CFAP77: variants seen among roughly 807,000 people sequenced by gnomAD.
CFAP77 encodes cilia and flagella associated protein 77.
CFAP77 carries 25 observed loss-of-function variants against 31.1 expected under a neutral mutation model. The ratio of observed to expected loss-of-function variants is 0.80; its 90% CI spans 0.59 to 1.12. The LOEUF is 1.12. Among genes scored for constraint, CFAP77 ranks in the 50% most tolerant of loss-of-function variants. The pLI, the probability that CFAP77 is intolerant of heterozygous loss-of-function variation, is 0.00. For missense variants in CFAP77, 377 were observed against 397.3 expected (o/e 0.95, Z 0.44); for synonymous variants, 151 against 159.9 (o/e 0.94, Z 0.42).
At position 132,554,151 on chromosome 9, in the gene CFAP77, A is replaced by C. The variant is rs1852860928; in HGVS notation, c.732+11104A>C. 6.6e-6 allele frequency among the ~76,000 whole-genome samples: 1 copy of C among 152,126 alleles called. No individual in the cohort carries two copies. Among genetic ancestry groups the C allele is most frequent in the Non-Finnish European group, 1.5e-5 (1 of 68,016 alleles). The stretch of plus-strand genomic sequence containing the variant: ...TTGGAACTGAGCTCTGTGGAACTCA[A>C]AGCCCTATGTCCCTAATCATCGAGT... On this transcript the variant is annotated intron_variant, in intron 5 of 5. Transcript: ENST00000393216. This position sits in a 1 kb window ranked among gnomAD's most constrained non-coding sequence, Gnocchi z 4.1.
chr9:132,459,782 G>GA (rs554073564), intron 1 of CFAP77, among the ~76,000 whole-genome samples: 309 of 151,050 alleles, frequency 2.0e-3, no homozygotes, highest in African/African-American at 6.7e-3. Flanking sequence ...GTGTGAGAGC[G>GA]TGTGTGTATG....
intron 3 of CFAP77, among the ~76,000 whole-genome samples, chr9:132,536,322 C>A (rs1852542374): frequency 6.6e-6 from 1 of 151,768 alleles, no homozygotes; most frequent in South Asian, 2.1e-4. Flanking sequence ...CAGGTGGCTT[C>A]CTGGGCTGGT....
chr9:132,548,680 G>A (rs932513147), intron 5 of CFAP77, among the ~76,000 whole-genome samples: 5 of 149,592 alleles, frequency 3.3e-5, no homozygotes, highest in East Asian at 2.1e-4. Context: ...GTTGGCTGGC[G>A]GGGGGGTCTC....
Position 132,455,175 on chromosome 9 carries a change from A to T in CFAP77, c.196-43520A>T, listed in dbSNP as rs1011142950. 2.0e-5 allele frequency among the ~76,000 whole-genome samples: 3 copies of T among 152,134 alleles called. No individual in the cohort carries two copies. Among genetic ancestry groups the T allele is most frequent in the Non-Finnish European group, 4.4e-5 (3 of 68,020 alleles). On this transcript the variant is annotated intron_variant, in intron 1 of 5. Transcript: ENST00000393216. This position sits in a 1 kb window ranked among gnomAD's most constrained non-coding sequence, Gnocchi z 4.1. ...CTTGTTGATGGCAATACCATCTGTC[A>T]TTGCAGCAGAGCCCAGTAGTGTGGG...
intron 1 of CFAP77, among the ~76,000 whole-genome samples, chr9:132,443,627 G>A (rs776288006): frequency 6.6e-6 from 1 of 152,158 alleles, no homozygotes; most frequent in Non-Finnish European, 1.5e-5. Flanking sequence ...ACGGCCCTTC[G>A]TGAAGCAACA....
In CFAP77 at chr9:132,539,500, G is replaced by T. The variant is rs1852603329; in HGVS notation, c.630+1794G>T. Among the ~76,000 whole-genome samples the T allele has an allele frequency of 6.6e-6, 1 of 152,188 alleles. No homozygotes were observed. The highest frequency in any genetic ancestry group is 1.5e-5 in the Non-Finnish European group (1 of 68,032). ...AGACCTAGGTGTGTCCAGCCTGAGA[G>T]TCCAGGCTCTTCCTGAAGAAGAGGT... On this transcript the variant is annotated intron_variant, in intron 4 of 5. Coordinates refer to ENST00000393216, the MANE Select transcript of CFAP77 (RefSeq NM_001282957.2). The surrounding 1 kb of genome is among the most constrained non-coding windows in gnomAD (Gnocchi z 4.3).
chr9:132,533,524 G>A (rs1852494542), intron 3 of CFAP77, among the ~76,000 whole-genome samples: 2 of 151,128 alleles, frequency 1.3e-5, no homozygotes, highest in Middle Eastern at 3.4e-3. Context: ...TCTTGGTTTG[G>A]GGTTACAGGG....
At position 132,545,659 on chromosome 9, in the gene CFAP77, T is replaced by A. The variant is rs1472627810; in HGVS notation, c.732+2612T>A. Among the ~76,000 whole-genome samples, 3 of 152,160 alleles carry A rather than the reference T, an allele frequency of 2.0e-5. No individual in the cohort carries two copies. Among genetic ancestry groups the A allele is most frequent in the Non-Finnish European group, 4.4e-5 (3 of 68,018 alleles). ...CCCTTAGACACACAGAGTGCTGCCG[T>A]TATGGGTGTCACACGCAGTCGCCTC... On this transcript the variant is annotated intron_variant, in intron 5 of 5. Transcript: ENST00000393216. This position sits in a 1 kb window ranked among gnomAD's most constrained non-coding sequence, Gnocchi z 4.6.
chr9:132,423,312 G>A (rs1022053426), intron 1 of CFAP77, among the ~76,000 whole-genome samples: 5 of 152,360 alleles, frequency 3.3e-5, no homozygotes, highest in Non-Finnish European at 7.3e-5. Context: ...TTCTCCCGGA[G>A]TGGGAGGATG....
rs1850280117 is a variant in CFAP77, at chr9:132,424,432, A to G, written c.195+13966A>G. ...AAAAAAAAAAGAGTTAGGAAGAGGG[A>G]GCAGCCCTGGCCTGGCCTGGTCCAG... On this transcript the variant is annotated intron_variant, in intron 1 of 5. Transcript: ENST00000393216. This position sits in a 1 kb window ranked among gnomAD's most constrained non-coding sequence, Gnocchi z 4.1. 6.6e-6 allele frequency among the ~76,000 whole-genome samples: 1 copy of G among 151,782 alleles called. No homozygotes were observed. The highest frequency in any genetic ancestry group is 1.5e-5 in the Non-Finnish European group (1 of 67,938).
intron 1 of CFAP77, among the ~76,000 whole-genome samples, chr9:132,463,777 G>A (rs905190597): frequency 3.3e-5 from 5 of 152,226 alleles, no homozygotes; most frequent in African/African-American, 1.2e-4. Context: ...AGGCAACGGG[G>A]AGTCCAGGCC....
Position 132,410,248 on chromosome 9 carries a change from G to A in CFAP77, c.-24G>A. The A allele has an allele frequency of 1.3e-6, 2 of 1,537,864 alleles. No homozygotes were observed. The highest frequency in any genetic ancestry group is 1.7e-6 in the Non-Finnish European group (2 of 1,144,882). On this transcript the variant is annotated 5_prime_UTR_variant, in exon 1 of 6. Transcript: ENST00000393216. ...GAAGCGCGCCCAAACCAGCCCGCGG[G>A]CCGGCTCCCCGGCGACCTCAAGGAT...
chr9:132,530,877 T>C (rs1417254667), intron 3 of CFAP77, among the ~76,000 whole-genome samples: 3 of 152,218 alleles, frequency 2.0e-5, no homozygotes, highest in Non-Finnish European at 2.9e-5. Flanking sequence ...TCTCCTATGT[T>C]TTCTTCTAGA....
Position 132,480,853 on chromosome 9 carries a change from C to T in CFAP77, c.196-17842C>T, listed in dbSNP as rs1163185426. Among the ~76,000 whole-genome samples the T allele has an allele frequency of 6.6e-6, 1 of 152,000 alleles. No homozygotes were observed. The highest frequency in any genetic ancestry group is 1.5e-5 in the Non-Finnish European group (1 of 68,006). ...AAGAAGGCCCAGGGCAGAAAGCGGA[C>T]GGTGAGCGAGAGGGCATAAGATGAG... On this transcript the variant is annotated intron_variant, in intron 1 of 5. Coordinates refer to ENST00000393216, the MANE Select transcript of CFAP77 (RefSeq NM_001282957.2). This position sits in a 1 kb window ranked among gnomAD's most constrained non-coding sequence, Gnocchi z 5.8.
At chr9:132,543,189 T>TAA (rs1852675152) in intron 5 of CFAP77, 142 bp downstream of exon 5, 2 of 677,436 alleles carry the variant, frequency 3.0e-6, no homozygotes, top group Admixed American at 4.3e-5. Context: ...TCGCAACAGC[T>TAA]AATGTTTCCT....
At chr9:132,563,244 G>A (rs1364706993) in intron 5 of CFAP77, among the ~76,000 whole-genome samples, 1 of 152,072 alleles carries the variant, frequency 6.6e-6, no homozygotes, top group Non-Finnish European at 1.5e-5. Context: ...CGAACTTCGA[G>A]TTTAAGCGAT....
chr9:132,520,509 G>A (rs1190046798), intron 3 of CFAP77, among the ~76,000 whole-genome samples: 3 of 152,158 alleles, frequency 2.0e-5, no homozygotes, highest in East Asian at 3.9e-4. Context: ...AGCCAGTTAC[G>A]GTGGTGAGTG....
intron 3 of CFAP77, among the ~76,000 whole-genome samples, chr9:132,524,296 A>G (rs1159108312): frequency 1.3e-5 from 2 of 151,270 alleles, no homozygotes; most frequent in African/African-American, 2.4e-5. Flanking sequence ...CAATTGGGAG[A>G]GCTTGTGTGT....
intron 5 of CFAP77, among the ~76,000 whole-genome samples, chr9:132,555,482 C>T (rs943424335): frequency 6.6e-6 from 1 of 152,134 alleles, no homozygotes; most frequent in African/African-American, 2.4e-5. Flanking sequence ...AATTTGCAAC[C>T]GAGCACAAAA....
Sources: gnomAD v4.1 joint callset for allele counts (sites outside exome capture counted in the v4.1 genomes callset) on GRCh38, gnomAD v4.1.1 for gene constraint, Gnocchi (gnomAD v3.1) non-coding constraint, MANE v1.5 for transcripts, NCBI Gene and HGNC (gene_info 2026-07-23, HGNC 2026-07-21) for gene names.